The following NEGR1 variants were observed in gnomAD, a reference collection of about 807,000 sequenced individuals.
NEGR1 encodes neuronal growth regulator 1.
Under a neutral mutation model 40.9 loss-of-function variants are expected in NEGR1, and 10 were observed. That is an observed-to-expected ratio of 0.24 (90% CI 0.15 to 0.42). NEGR1 has a LOEUF of 0.42. NEGR1 is among the 10% of genes least tolerant of loss of function. The pLI is 1.00. For missense variants in NEGR1, 352 were observed against 438.9 expected (o/e 0.80, Z 1.77); for synonymous variants, 185 against 166.8 (o/e 1.11, Z -0.84).
intron 1 of NEGR1, among the ~76,000 whole-genome samples, chr1:72,230,779 T>C (rs1181595561): frequency 6.6e-6 from 1 of 152,134 alleles, no homozygotes; most frequent in Non-Finnish European, 1.5e-5. Context: ...CAAAACTTAA[T>C]AAGCACGCTC....
At chr1:71,784,717 G>A (rs1369511164) in intron 2 of NEGR1, among the ~76,000 whole-genome samples, 2 of 152,076 alleles carry the variant, frequency 1.3e-5, no homozygotes, top group Admixed American at 1.3e-4. Context: ...TCTAATGCAT[G>A]GATTATGCAA....
At chr1:71,559,019 G>GTGTGTATATATATA (rs377263417) in intron 6 of NEGR1, among the ~76,000 whole-genome samples, 213 of 114,060 alleles carry the variant, frequency 1.9e-3, no homozygotes, top group Non-Finnish European at 2.9e-3. Flanking sequence ...CTGTGTGTGT[G>GTGTGTATATATATA]TATATATATA....
At chr1:71,959,994 AATG>A (rs1320136650) in intron 1 of NEGR1, among the ~76,000 whole-genome samples, 1 of 152,174 alleles carries the variant, frequency 6.6e-6, no homozygotes, top group East Asian at 1.9e-4. Context: ...ATATCATATA[AATG>A]ATAACAAATT....
intron 1 of NEGR1, among the ~76,000 whole-genome samples, chr1:72,144,226 C>A (rs928586925): frequency 6.6e-6 from 1 of 151,396 alleles, no homozygotes; most frequent in Non-Finnish European, 1.5e-5. Context: ...TGCAGGCACT[C>A]CCAATCATTC....
intron 1 of NEGR1, among the ~76,000 whole-genome samples, chr1:71,987,063 G>A (rs61767469): frequency 0.11 from 15,977 of 152,108 alleles, 971 homozygotes; most frequent in Middle Eastern, 0.21. Context: ...AGATTTCCAG[G>A]GAGAAACTTT....
At chr1:71,992,340 C>A (rs1253505239) in intron 1 of NEGR1, among the ~76,000 whole-genome samples, 3 of 151,680 alleles carry the variant, frequency 2.0e-5, no homozygotes, top group Non-Finnish European at 4.4e-5. Flanking sequence ...TATTGCAGCA[C>A]TAAAAATGTC....
At chr1:72,069,442 A>T (rs1431628433) in intron 1 of NEGR1, among the ~76,000 whole-genome samples, 1 of 138,808 alleles carries the variant, frequency 7.2e-6, no homozygotes, top group Non-Finnish European at 1.5e-5. Flanking sequence ...AGACTCTGTT[A>T]AAAAAAAAAG....
At chr1:72,115,366 T>C (rs1328244549) in intron 1 of NEGR1, among the ~76,000 whole-genome samples, 1 of 151,686 alleles carries the variant, frequency 6.6e-6, no homozygotes, top group African/African-American at 2.4e-5. Context: ...TGGTGTTCAA[T>C]AGCAAGTTTT....
rs146410680 is a variant in NEGR1 at position 71,928,016 on chromosome 1, A to G, written c.409+7063T>C. ...CTGTCTCAGGAAAAAATAAATAAAT[A>G]AATAAATAAATACACACACACACAC... On this transcript the variant is annotated intron_variant, in intron 2 of 6. Coordinates refer to ENST00000357731, the MANE Select transcript of NEGR1 (RefSeq NM_173808.3). 6.9e-3 allele frequency among the ~76,000 whole-genome samples: 740 copies of G among 107,560 alleles called. 21 individuals carry two copies. Among genetic ancestry groups the G allele is most frequent in the African/African-American group, 0.026 (693 of 26,152 alleles). The allele number at this position is 107,560 out of a possible 152,430, so 70.6% of individuals were successfully genotyped here.
rs1553122199 is a variant in NEGR1 at position 71,928,263 on chromosome 1, C to CGTATATATGTATATATACACACATAT, written c.409+6790_409+6815dup. 2.1e-3 allele frequency among the ~76,000 whole-genome samples: 112 copies of CGTATATATGTATATATACACACATAT among 52,178 alleles called. 7 individuals are homozygous for CGTATATATGTATATATACACACATAT. Among genetic ancestry groups the CGTATATATGTATATATACACACATAT allele is most frequent in the Non-Finnish European group, 3.5e-3 (90 of 25,758 alleles). The allele number at this position is 52,178 out of a possible 152,430, so 34.2% of individuals were successfully genotyped here. A position where few individuals can be genotyped will look rare whatever the true frequency, so the allele number is the denominator to read the frequency against. On this transcript the variant is annotated intron_variant, in intron 2 of 6. Transcript: ENST00000357731. ...GTATATATACACACATATGTATATA[C>CGTATATATGTATATATACACACATAT]GTATATATGTATATATACACACATA...
At chr1:71,973,157 A>T (rs931145538) in intron 1 of NEGR1, among the ~76,000 whole-genome samples, 1 of 152,074 alleles carries the variant, frequency 6.6e-6, no homozygotes, top group Non-Finnish European at 1.5e-5. Flanking sequence ...TCTACTAAAA[A>T]CACAAAAAAT....
chr1:71,651,458 G>C (rs1651715487), intron 4 of NEGR1, among the ~76,000 whole-genome samples: 1 of 152,138 alleles, frequency 6.6e-6, no homozygotes, highest in Admixed American at 6.5e-5. Flanking sequence ...TCTATAAACA[G>C]TATTATATTG....
intron 1 of NEGR1, among the ~76,000 whole-genome samples, chr1:72,111,479 C>G (rs558856408): frequency 6.6e-6 from 1 of 151,460 alleles, no homozygotes; most frequent in East Asian, 1.9e-4. Flanking sequence ...ACAATTATAC[C>G]AACATGCATA....
At chr1:72,184,914 G>T (rs991200198) in intron 1 of NEGR1, among the ~76,000 whole-genome samples, 3 of 151,938 alleles carry the variant, frequency 2.0e-5, no homozygotes, top group Non-Finnish European at 4.4e-5. Context: ...AAGTGTTTTA[G>T]CTCAGATATA....
intron 1 of NEGR1, among the ~76,000 whole-genome samples, chr1:72,206,948 A>C (rs1313745207): frequency 6.6e-6 from 1 of 151,934 alleles, no homozygotes; most frequent in African/African-American, 2.4e-5. Flanking sequence ...AGACTAACAG[A>C]GAAGACAAAT....
intron 1 of NEGR1, among the ~76,000 whole-genome samples, chr1:72,000,411 G>A (rs1201862332): frequency 2.0e-5 from 3 of 151,690 alleles, no homozygotes; most frequent in African/African-American, 7.3e-5. Context: ...AGGAAATAGA[G>A]TTGAGGCAAA....
rs1256779923 is a variant in NEGR1, at chr1:71,399,488, G to A, written c.*7958C>T. On this transcript the variant is annotated 3_prime_UTR_variant, in exon 7 of 7. Coordinates refer to ENST00000357731, the MANE Select transcript of NEGR1 (RefSeq NM_173808.3). ...AATTAAATCACAAGATGTTCCTTAT[G>A]CTAACGTCTTAGCAAATAAAACTTA... is the stretch of plus-strand genomic sequence containing the variant. 4 of 152,114 alleles carry A rather than the reference G, an allele frequency of 2.6e-5. No individual in the cohort carries two copies. Among genetic ancestry groups the A allele is most frequent in the Non-Finnish European group, 5.9e-5 (4 of 68,012 alleles). 9.4% of individuals were successfully genotyped at this position (152,114 alleles called of 1,614,324 possible). A position where few individuals can be genotyped will look rare whatever the true frequency, so the allele number is the denominator to read the frequency against.
At chr1:71,493,709 C>CACAG (rs1254321186) in intron 6 of NEGR1, among the ~76,000 whole-genome samples, 2 of 152,136 alleles carry the variant, frequency 1.3e-5, no homozygotes, top group Admixed American at 1.3e-4. Context: ...AATTTCCTTA[C>CACAG]ACAGATTTTT....
intron 1 of NEGR1, among the ~76,000 whole-genome samples, chr1:72,036,334 A>G (rs1477705631): frequency 6.6e-6 from 1 of 152,134 alleles, no homozygotes; most frequent in African/African-American, 2.4e-5. Context: ...ATAGTAGGAA[A>G]AAATGTGCAC....
Sources: gnomAD v4.1 joint callset for allele counts (sites outside exome capture counted in the v4.1 genomes callset) on GRCh38, gnomAD v4.1.1 for gene constraint, MANE v1.5 for transcripts, NCBI Gene and HGNC (gene_info 2026-07-23, HGNC 2026-07-21) for gene names.